BCO2: variants seen among roughly 807,000 people sequenced by gnomAD.
BCO2 encodes beta-carotene oxygenase 2, also known as carotenoid-cleaving dioxygenase, mitochondrial.
BCO2 carries 56 observed loss-of-function variants against 65.8 expected under a neutral mutation model. The ratio of observed to expected loss-of-function variants is 0.85; its 90% CI spans 0.69 to 1.06. BCO2 has a LOEUF of 1.06. BCO2 is among the 50% of genes least tolerant of loss of function. BCO2 has a pLI of 0.00. For synonymous variants in BCO2, 233 were observed against 242.3 expected, an observed-to-expected ratio of 0.96 and a Z score of 0.36; for missense variants, 675 against 698.5, an observed-to-expected ratio of 0.97 and a Z score of 0.38.
rs572802853 is a variant in BCO2, at chr11:112,204,342, C to G, written c.1194+2152C>G. On this transcript the variant is annotated intron_variant, in intron 8 of 11. Coordinates refer to ENST00000357685, the MANE Select transcript of BCO2 (RefSeq NM_031938.7). ...TATTTAGGTTGTTTCTGTTTCTTGA[C>G]TGTTATGAATAATGCTACAATGAAC... Among the ~76,000 whole-genome samples the G allele has an allele frequency of 2.4e-4, 37 of 152,248 alleles. 1 individual carries two copies. Among genetic ancestry groups the G allele is most frequent in the African/African-American group, 8.9e-4 (37 of 41,544 alleles).
Position 112,218,790 on chromosome 11 carries a change from TG to T in BCO2, c.*918del, listed in dbSNP as rs1157899117. The T allele has an allele frequency of 1.3e-5, 2 of 152,258 alleles. No homozygotes were observed. Among genetic ancestry groups the T allele is most frequent in the Non-Finnish European group, 2.9e-5 (2 of 68,054 alleles). 9.4% of individuals were successfully genotyped at this position (152,258 alleles called of 1,614,324 possible). On this transcript the variant is annotated 3_prime_UTR_variant, in exon 12 of 12. Coordinates refer to ENST00000357685, the MANE Select transcript of BCO2 (RefSeq NM_031938.7). ...CAAAGCAGAATTCATAATATAACTA[TG>T]GTTATAGATATTTATTTTTTAGGGC...
intron 2 of BCO2, among the ~76,000 whole-genome samples, chr11:112,183,702 T>C (rs970362779): frequency 5.9e-5 from 9 of 152,266 alleles, no homozygotes; most frequent in African/African-American, 2.2e-4. Flanking sequence ...TTTAAATACC[T>C]GTCACACTGT....
chr11:112,176,498 G>A (rs1460530932), intron 1 of BCO2: 1 of 106,968 alleles, frequency 9.3e-6, no homozygotes, highest in Non-Finnish European at 1.7e-5. Flanking sequence ...AAATATCCTA[G>A]ATGAAGAAAA....
intron 5 of BCO2, among the ~76,000 whole-genome samples, chr11:112,195,564 T>C (rs1867548401): frequency 6.6e-6 from 1 of 152,114 alleles, no homozygotes; most frequent in South Asian, 2.1e-4. Context: ...TGCCTCAGTC[T>C]CCTGAGTAGC....
At chr11:112,212,549 G>A (rs1566799208) in intron 8 of BCO2, among the ~76,000 whole-genome samples, 1 of 152,112 alleles carries the variant, frequency 6.6e-6, no homozygotes, top group Non-Finnish European at 1.5e-5. Context: ...AGCAAAATAA[G>A]CAAAAGGAAA....
chr11:112,201,306 C>T (rs1373331689), intron 7 of BCO2, among the ~76,000 whole-genome samples: 2 of 151,978 alleles, frequency 1.3e-5, no homozygotes, highest in Non-Finnish European at 2.9e-5. Context: ...TGCCACCACA[C>T]CCAGCTAATT....
chr11:112,199,200 C>T (rs1867662265), intron 5 of BCO2, among the ~76,000 whole-genome samples: 1 of 152,148 alleles, frequency 6.6e-6, no homozygotes, highest in African/African-American at 2.4e-5. Context: ...TGAGTGAGAA[C>T]ATGCGGTGTT....
intron 8 of BCO2, among the ~76,000 whole-genome samples, chr11:112,203,071 T>C (rs187422115): frequency 1.6e-3 from 231 of 144,144 alleles, no homozygotes; most frequent in Admixed American, 3.3e-3. Flanking sequence ...AAAAAAAGCA[T>C]ATGTGATAGT....
intron 2 of BCO2, among the ~76,000 whole-genome samples, chr11:112,183,480 A>G (rs1280582436): frequency 6.6e-6 from 1 of 152,198 alleles, no homozygotes; most frequent in Non-Finnish European, 1.5e-5. Flanking sequence ...CAGGAATAGT[A>G]TCTATTATAT....
In BCO2 at chr11:112,193,557, T is replaced by C; in HGVS notation, c.377T>C (p.Leu126Pro). 2 of 1,614,186 alleles carry C rather than the reference T, an allele frequency of 1.2e-6. No individual in the cohort carries two copies. Among genetic ancestry groups the C allele is most frequent in the Non-Finnish European group, 1.7e-6 (2 of 1,180,020 alleles). The stretch of plus-strand genomic sequence containing the variant: ...ACAGTGACATACAGGAGCAAGTTTC[T>C]ACAGAGTGATACATATAAGGCCAAC... Reference protein sequence around the residue: ...KGTVTYRSKFLQSDTYKANSA... With the variant: ...KGTVTYRSKFPQSDTYKANSA... The change falls in exon 3 of 12, where the codon CTA becomes CCA. Residue 126 changes from leucine (L) to proline (P), a missense_variant. By Grantham distance (98) the Leu-to-Pro change is moderately conservative. Coordinates refer to ENST00000357685, the MANE Select transcript of BCO2 (RefSeq NM_031938.7).
At chr11:112,199,120 C>T (rs575367537) in intron 5 of BCO2, among the ~76,000 whole-genome samples, 1 of 152,076 alleles carries the variant, frequency 6.6e-6, no homozygotes, top group Non-Finnish European at 1.5e-5. Context: ...CTCCCCACCC[C>T]CTGAAAGGCC....
In BCO2 at chr11:112,213,781, A is replaced by T; in HGVS notation, c.1252A>T (p.Ser418Cys). The T allele has an allele frequency of 6.2e-7, 1 of 1,613,434 alleles. No individual in the cohort carries two copies. ...PRRFVLPLNV[S>C]LNAPEGDNLS... ...AAGGTTTGTTTTGCCTTTAAATGTCAGTTTGAATGCCCCTGAGGGAGACAA... is the reference window on the plus strand; with the variant it reads ...AAGGTTTGTTTTGCCTTTAAATGTCTGTTTGAATGCCCCTGAGGGAGACAA... The change falls in exon 9 of 12, where the codon AGT (serine) becomes TGT (cysteine). Residue 418 changes from serine (S) to cysteine (C), a missense_variant. Coordinates refer to ENST00000357685, the MANE Select transcript of BCO2 (RefSeq NM_031938.7).
chr11:112,205,027 A>G (rs1867833249), intron 8 of BCO2, among the ~76,000 whole-genome samples: 2 of 152,222 alleles, frequency 1.3e-5, no homozygotes. Context: ...ACAGTATATA[A>G]TACATATGAA....
chr11:112,211,120 C>T (rs1306434807), intron 8 of BCO2, among the ~76,000 whole-genome samples: 2 of 152,140 alleles, frequency 1.3e-5, no homozygotes, highest in East Asian at 3.8e-4. Context: ...CCCCCACCTC[C>T]AGTCCCTGGT....
At position 112,217,745 on chromosome 11, in the gene BCO2, GTCTTT is replaced by G. The variant is rs1182861029; in HGVS notation, c.1627-7_1627-3del. 1.3e-6 allele frequency: 2 copies of G among 1,556,156 alleles called. No homozygotes were observed. The highest frequency in any genetic ancestry group is 1.8e-6 in the Non-Finnish European group (2 of 1,131,288). On this transcript the variant is annotated splice_polypyrimidine_tract_variant and intron_variant, in intron 11 of 11. Transcript: ENST00000357685. ...TGAAAAAAAGATAATTTTCAATATT[GTCTTT>G]TCTTTTCTAGAATGAAAGCAATTTT...
At chr11:112,216,061 C>T in intron 10 of BCO2, 159 bp from the exon 11 acceptor site, 1 of 613,376 alleles carries the variant, frequency 1.6e-6, no homozygotes, top group Non-Finnish European at 2.9e-6. Flanking sequence ...CCACTAGGCC[C>T]CACCTTCAGC....
chr11:112,196,659 T>C (rs1038518261), intron 5 of BCO2, among the ~76,000 whole-genome samples: 2 of 152,196 alleles, frequency 1.3e-5, no homozygotes, highest in East Asian at 3.8e-4. Context: ...TCTCAAAACA[T>C]ATCTATATCC....
chr11:112,207,081 T>A (rs911149101), intron 8 of BCO2, among the ~76,000 whole-genome samples: 1 of 152,198 alleles, frequency 6.6e-6, no homozygotes, highest in Non-Finnish European at 1.5e-5. Flanking sequence ...GATCCACAGA[T>A]TATTTTGGAT....
At chr11:112,215,511 C>G (rs1004917531) in intron 10 of BCO2, 1 of 155,422 alleles carries the variant, frequency 6.4e-6, no homozygotes, top group Non-Finnish European at 1.4e-5. Flanking sequence ...GAAATCAAGA[C>G]CATCCTGGCC....
Sources: allele counts gnomAD v4.1 joint callset (sites outside exome capture counted in the v4.1 genomes callset), GRCh38; gene constraint gnomAD v4.1.1; transcripts MANE v1.5; gene names NCBI Gene and HGNC (gene_info 2026-07-23, HGNC 2026-07-21).